HERC1: variants seen among roughly 807,000 people sequenced by gnomAD.
The protein encoded by HERC1 is probable E3 ubiquitin-protein ligase HERC1.
Under a neutral mutation model 554.3 loss-of-function variants are expected in HERC1, and 160 were observed. The observed-to-expected ratio is 0.29, with a 90% CI of 0.25 to 0.33. The LOEUF is 0.33. Ranked by LOEUF, HERC1 falls within the 10% of genes least tolerant of loss-of-function variation. The pLI is 1.00. For synonymous variants in HERC1, 2,175 were observed against 2,131.7 expected, an observed-to-expected ratio of 1.02 and a Z score of -0.56; for missense variants, 4,919 against 5,918.5, an observed-to-expected ratio of 0.83 and a Z score of 5.54.
At chr15:63,645,417 T>G in intron 56 of HERC1, 66 bp downstream of exon 56, 1 of 1,200,510 alleles carries the variant, frequency 8.3e-7, no homozygotes, top group East Asian at 2.4e-5. Context: ...GAAGCCACAC[T>G]TAATGCAGAT....
intron 1 of HERC1, among the ~76,000 whole-genome samples, chr15:63,799,177 G>A (rs2076902072): frequency 1.3e-5 from 2 of 152,078 alleles, no homozygotes; most frequent in Non-Finnish European, 2.9e-5. Context: ...TCTTTCCTCA[G>A]TTCAGTTCTG....
chr15:63,812,921 T>C (rs1368444054), intron 1 of HERC1, among the ~76,000 whole-genome samples: 1 of 152,210 alleles, frequency 6.6e-6, no homozygotes, highest in East Asian at 1.9e-4. Flanking sequence ...ATAAATTGAA[T>C]GTAATACTTA....
intron 1 of HERC1, among the ~76,000 whole-genome samples, chr15:63,814,282 T>C (rs76965353): frequency 0.022 from 3,337 of 152,254 alleles, 115 homozygotes; most frequent in African/African-American, 0.077. Flanking sequence ...ACAAATATAT[T>C]ACTTTTCACA....
intron 39 of HERC1, among the ~76,000 whole-genome samples, chr15:63,671,099 AG>A (rs1209737770): frequency 6.6e-6 from 1 of 151,308 alleles, no homozygotes; most frequent in East Asian, 1.9e-4. Context: ...ACTACTCAGG[AG>A]GCTGAGGCAG....
At chr15:63,797,332 C>G (rs988660745) in intron 1 of HERC1, among the ~76,000 whole-genome samples, 3 of 152,172 alleles carry the variant, frequency 2.0e-5, no homozygotes, top group African/African-American at 7.2e-5. Context: ...GTTCAGGAGT[C>G]ATGTGGCCAA....
Position 63,694,099 on chromosome 15 carries a change from T to G in HERC1, c.5539A>C (p.Ser1847Arg). 1 of 1,610,710 alleles carries G rather than the reference T, an allele frequency of 6.2e-7. No individual in the cohort carries two copies. The highest frequency in any genetic ancestry group is 8.5e-7 in the Non-Finnish European group (1 of 1,178,384). The stretch of plus-strand genomic sequence containing the variant: ...TGGGACAATAAATTCTTCAACTGAC[T>G]ACAGAGTAGATCCAACAAGGATTGA... ...VVQSLLDLLC[S>R]QLKNLLSQTG... Residue 1847 changes from serine (S) to arginine (R), a missense_variant, in exon 30 of 78, where the codon AGT becomes CGT. Physicochemically the swap from Ser to Arg is moderately radical, Grantham distance 110 (BLOSUM62 -1). Around this residue, in one of 11 missense-constraint regions of HERC1, gnomAD observed 1,121 missense variants for 1,244.0 expected, o/e 0.90. Coordinates refer to ENST00000443617, the MANE Select transcript of HERC1 (RefSeq NM_003922.4). This position sits in a 1 kb window ranked among gnomAD's most constrained non-coding sequence, Gnocchi z 4.3.
At chr15:63,654,685 C>T (rs1595901397) in intron 50 of HERC1, among the ~76,000 whole-genome samples, 2 of 148,552 alleles carry the variant, frequency 1.3e-5, no homozygotes, top group Admixed American at 6.7e-5. Context: ...AAACCCCCAT[C>T]TCTACTGAAA....
chr15:63,645,226 C>A, intron 56 of HERC1, 129 bp from the exon 57 acceptor site: 1 of 732,028 alleles, frequency 1.4e-6, no homozygotes, highest in Non-Finnish European at 2.3e-6. Flanking sequence ...GTAGTACATA[C>A]AATCTTTTAC....
chr15:63,667,208 T>C (rs2070688344), intron 40 of HERC1, among the ~76,000 whole-genome samples: 1 of 152,342 alleles, frequency 6.6e-6, no homozygotes, highest in South Asian at 2.1e-4. Context: ...TACAGCATAC[T>C]GATCAGATGA....
In HERC1 at chr15:63,735,013, C is replaced by G. The variant is rs1053758399; in HGVS notation, c.2521-164G>C. 6.9e-4 allele frequency among the ~76,000 whole-genome samples: 105 copies of G among 152,246 alleles called. 1 individual carries two copies. The highest frequency in any genetic ancestry group is 2.5e-3 in the African/African-American group (103 of 41,536). On this transcript the variant is annotated intron_variant, in intron 12 of 77. Coordinates refer to ENST00000443617, the MANE Select transcript of HERC1 (RefSeq NM_003922.4). ...CCTCCTTCAGATGTCTTTAAGAAGA[C>G]TATGAATACATATTTTCGATTTGCC...
chr15:63,794,464 G>A (rs565099027), intron 1 of HERC1, among the ~76,000 whole-genome samples: 193 of 152,168 alleles, frequency 1.3e-3, no homozygotes, highest in Non-Finnish European at 2.2e-3. Context: ...CCAGAGGTTG[G>A]GGATGGGGCT....
chr15:63,785,766 A>T lies in HERC1; in HGVS notation c.-26-10117T>A, dbSNP rs938558305. Among the ~76,000 whole-genome samples the T allele has an allele frequency of 3.3e-5, 5 of 152,266 alleles. No homozygotes were observed. The East Asian group carries it at 5.8e-4, about 18-fold the overall frequency. Reference sequence around the variant, plus strand: ...CCTGGTCAACAGAGACCCTGTCTCTAAATAAAGAAGGAAAGAAGGAAGGAA... The same window carrying T: ...CCTGGTCAACAGAGACCCTGTCTCTTAATAAAGAAGGAAAGAAGGAAGGAA... On this transcript the variant is annotated intron_variant, in intron 1 of 77. Coordinates refer to ENST00000443617, the MANE Select transcript of HERC1 (RefSeq NM_003922.4).
Position 63,675,100 on chromosome 15 carries a change from G to T in HERC1, c.7088C>A (p.Ser2363Ter). The part of the protein sequence containing the change: ...EITISFPTFW[S>*]PSDTPLYNLE... ...ATTATACAATGGAGTATCACTAGGC[G>T]ACCAAAAAGTTGGGAAGCTTTAATA... is the stretch of plus-strand genomic sequence containing the variant. The change falls in exon 38 of 78, where the codon TCG (serine) becomes TAG (stop). Residue 2363 changes from serine to a stop codon, truncating the protein, a stop_gained. Transcript: ENST00000443617. LOFTEE classifies it high-confidence loss of function. 6.3e-7 allele frequency: 1 copy of T among 1,584,082 alleles called. No homozygotes were observed. Among genetic ancestry groups the T allele is most frequent in the South Asian group, 1.1e-5 (1 of 87,574 alleles).
chr15:63,677,771 T>C lies in HERC1; in HGVS notation c.7070+74A>G, dbSNP rs2071281916. ...CAGCTCACCTAAAATACATAATTAC[T>C]CACTGTCGACAGGCAATGGCCTATT... is the stretch of plus-strand genomic sequence containing the variant. On this transcript the variant is annotated intron_variant, in intron 37 of 77. Transcript: ENST00000443617. The surrounding 1 kb of genome is among the most constrained non-coding windows in gnomAD (Gnocchi z 4.4). The C allele has an allele frequency of 6.5e-7, 1 of 1,529,256 alleles. No homozygotes were observed. Among genetic ancestry groups the C allele is most frequent in the Non-Finnish European group, 8.8e-7 (1 of 1,138,924 alleles). The allele number at this position is 1,529,256 out of a possible 1,614,324, so 94.7% of individuals were successfully genotyped here.
intron 1 of HERC1, among the ~76,000 whole-genome samples, chr15:63,820,414 G>A (rs774281463): frequency 2.0e-5 from 3 of 152,002 alleles, no homozygotes; most frequent in Admixed American, 6.6e-5. Flanking sequence ...AAAAGATAAC[G>A]GCCCACGATG....
Position 63,698,866 on chromosome 15 carries a change from G to A in HERC1, c.4767C>T (p.His1589=). 1.2e-6 allele frequency: 2 copies of A among 1,613,988 alleles called. No individual in the cohort carries two copies. The highest frequency in any genetic ancestry group is 2.2e-5 in the East Asian group (1 of 44,890). Residue 1589 remains histidine (H), a synonymous_variant, in exon 26 of 78, where the codon CAC becomes CAT. Coordinates refer to ENST00000443617, the MANE Select transcript of HERC1 (RefSeq NM_003922.4). ...AGCTTACAACATTTTCAATCAAAGT[G>A]TGAACTCCCAAAGACTTGGTAAGAT... ...DFDLTKSLGV[H]TLIENVVSFV...
rs1223890922 is a variant in HERC1, at chr15:63,661,003, G to A, written c.9193C>T (p.Leu3065=). Residue 3065 remains leucine (L), a synonymous_variant, in exon 46 of 78, where the codon CTA becomes TTA. Coordinates refer to ENST00000443617, the MANE Select transcript of HERC1 (RefSeq NM_003922.4). ...TACACACTGTCTTGCTTGCCAATTA[G>A]ATCTGGAGCTTGTCCCTTGTACCTG... The part of the protein sequence containing the change: ...SERYKGQAPD[L]IGKQDSVYEE... 11 of 1,612,270 alleles carry A rather than the reference G, an allele frequency of 6.8e-6. No individual in the cohort carries two copies. The highest frequency in any genetic ancestry group is 9.3e-6 in the Non-Finnish European group (11 of 1,178,430).
chr15:63,656,475 T>A, intron 48 of HERC1, 117 bp from the exon 49 acceptor site: 1 of 901,918 alleles, frequency 1.1e-6, no homozygotes, highest in Non-Finnish European at 1.7e-6. Flanking sequence ...TAAGCTGCAC[T>A]ATCATTAGCC....
At chr15:63,798,771 T>C (rs2076889768) in intron 1 of HERC1, among the ~76,000 whole-genome samples, 1 of 152,218 alleles carries the variant, frequency 6.6e-6, no homozygotes, top group South Asian at 2.1e-4. Context: ...AACTAATTAA[T>C]TACTACTAGT....
Sources: gnomAD v4.1 joint callset for allele counts (sites outside exome capture counted in the v4.1 genomes callset) on GRCh38, gnomAD v4.1.1 for gene constraint, gnomAD v4.1.1 regional missense constraint, Gnocchi (gnomAD v3.1) non-coding constraint, MANE v1.5 for transcripts, NCBI Gene and HGNC (gene_info 2026-07-23, HGNC 2026-07-21) for gene names.